Variants in ARSG observed in about 807,000 individuals in gnomAD.
The protein encoded by ARSG is ASG.
In ARSG, 37 loss-of-function variants were observed where a neutral mutation model predicts 50.5. That is an observed-to-expected ratio of 0.73 (90% CI 0.56 to 0.96). ARSG has a LOEUF of 0.96. Among genes scored for constraint, ARSG ranks in the 50% least tolerant of loss-of-function variants. The pLI, the probability that ARSG is intolerant of heterozygous loss-of-function variation, is 0.00. For synonymous variants in ARSG, 225 were observed against 254.6 expected (o/e 0.88, Z 1.11); for missense variants, 629 against 675.3 (o/e 0.93, Z 0.76).
At chr17:68,442,939 T>C in the ARSG span, among the ~76,000 whole-genome samples, 2 of 152,196 alleles carry the variant, frequency 1.3e-5, no homozygotes, top group Admixed American at 6.5e-5. Flanking sequence ...ATGTCTGCAA[T>C]AGATACTTGT....
the ARSG span, among the ~76,000 whole-genome samples, chr17:68,450,382 G>A: frequency 2.0e-5 from 3 of 152,142 alleles, no homozygotes; most frequent in African/African-American, 7.2e-5. Context: ...CAGAAGAGTC[G>A]CTCCTCTGAT....
chr17:68,314,822 C>G (rs953080154), intron 2 of ARSG, among the ~76,000 whole-genome samples: 1 of 152,144 alleles, frequency 6.6e-6, no homozygotes, highest in Non-Finnish European at 1.5e-5. Flanking sequence ...TAGAAATGTC[C>G]AAATGGAATG....
At chr17:68,343,074 T>A (rs1379883938) in intron 2 of ARSG, among the ~76,000 whole-genome samples, 1 of 152,218 alleles carries the variant, frequency 6.6e-6, no homozygotes, top group Non-Finnish European at 1.5e-5. Context: ...TTTGAATGAG[T>A]TGTGGAAACT....
At chr17:68,393,185 C>T (rs2081076527) in intron 9 of ARSG, among the ~76,000 whole-genome samples, 1 of 152,224 alleles carries the variant, frequency 6.6e-6, no homozygotes, top group Admixed American at 6.5e-5. Context: ...CACGGTTTCA[C>T]TTTCTGCAGT....
At chr17:68,269,958 C>T (rs1222267573) in intron 1 of ARSG, among the ~76,000 whole-genome samples, 4 of 152,150 alleles carry the variant, frequency 2.6e-5, no homozygotes, top group African/African-American at 9.7e-5. Context: ...GAGGCATGAG[C>T]CACTGCGCCC....
At chr17:68,346,856 A>G in intron 3 of ARSG, 5 of 1,403,766 alleles carry the variant, frequency 3.6e-6, no homozygotes, top group Non-Finnish European at 4.7e-6. Context: ...GCAGAGGCTC[A>G]GGCTTCTCCG....
At chr17:68,409,550 T>C (rs1454075903) in intron 11 of ARSG, among the ~76,000 whole-genome samples, 1 of 152,010 alleles carries the variant, frequency 6.6e-6, no homozygotes. Context: ...TGAAGTCAGG[T>C]AGTGTGATGC....
At chr17:68,411,230 A>G (rs376822238) in intron 11 of ARSG, among the ~76,000 whole-genome samples, 3 of 152,090 alleles carry the variant, frequency 2.0e-5, no homozygotes, top group Admixed American at 6.6e-5. Flanking sequence ...TGTCAATTTT[A>G]GATCTTTTCT....
intron 2 of ARSG, among the ~76,000 whole-genome samples, chr17:68,342,066 T>C (rs547744182): frequency 6.6e-6 from 1 of 152,176 alleles, no homozygotes; most frequent in South Asian, 2.1e-4. Flanking sequence ...TTGATCCACC[T>C]GCCTCAGCCT....
chr17:68,363,272 G>T (rs1282327273), intron 6 of ARSG, among the ~76,000 whole-genome samples: 1 of 152,086 alleles, frequency 6.6e-6, no homozygotes, highest in African/African-American at 2.4e-5. Flanking sequence ...GGAGAATACT[G>T]CTGAGAGAGG....
intron 2 of ARSG, among the ~76,000 whole-genome samples, chr17:68,312,224 A>G (rs1389582456): frequency 5.3e-5 from 8 of 152,162 alleles, no homozygotes; most frequent in African/African-American, 1.2e-4. Flanking sequence ...TTTCCCGCTT[A>G]TATTCCTAGC....
intron 2 of ARSG, among the ~76,000 whole-genome samples, chr17:68,309,087 G>A (rs550530099): frequency 2.6e-5 from 4 of 152,248 alleles, no homozygotes; most frequent in African/African-American, 4.8e-5. Context: ...GTGAGAAATC[G>A]AGTGCAGTGC....
At chr17:68,394,552 T>C (rs1423781694) in intron 9 of ARSG, among the ~76,000 whole-genome samples, 1 of 152,148 alleles carries the variant, frequency 6.6e-6, no homozygotes, top group Non-Finnish European at 1.5e-5. Context: ...GAGTATTACT[T>C]CAGCCCAGGA....
chr17:68,339,072 C>T (rs2078152466), intron 2 of ARSG, among the ~76,000 whole-genome samples: 1 of 152,182 alleles, frequency 6.6e-6, no homozygotes, highest in Non-Finnish European at 1.5e-5. Flanking sequence ...GAGCATTCTC[C>T]ACTCAGTTTG....
At chr17:68,268,019 C>CA (rs1568400246) in intron 1 of ARSG, 1 of 152,104 alleles carries the variant, frequency 6.6e-6, no homozygotes. Flanking sequence ...AATGATAAAA[C>CA]AAATTAGTTT....
chr17:68,407,209 A>C (rs1468875717), intron 11 of ARSG, among the ~76,000 whole-genome samples: 1 of 152,106 alleles, frequency 6.6e-6, no homozygotes, highest in Non-Finnish European at 1.5e-5. Context: ...TGGGTTCTCT[A>C]TTCTGTTCCA....
At chr17:68,329,728 T>C (rs1304520072) in intron 2 of ARSG, among the ~76,000 whole-genome samples, 5 of 152,194 alleles carry the variant, frequency 3.3e-5, no homozygotes, top group Non-Finnish European at 5.9e-5. Flanking sequence ...GTGTCTAATC[T>C]TTTGGCTTCC....
intron 1 of ARSG, among the ~76,000 whole-genome samples, chr17:68,299,335 C>T (rs1167555439): frequency 3.9e-5 from 6 of 152,056 alleles, no homozygotes; most frequent in Non-Finnish European, 5.9e-5. Flanking sequence ...GAACTCCTGA[C>T]GTCAGGTGAT....
chr17:68,426,242 T>TGGCGG, downstream of ARSG: 2 of 669,002 alleles, frequency 3.0e-6, no homozygotes, highest in Non-Finnish European at 2.2e-6. Flanking sequence ...ACCTGGCGGG[T>TGGCGG]GGGGAGCGGG....
Sources: gnomAD v4.1 joint callset for allele counts (sites outside exome capture counted in the v4.1 genomes callset) on GRCh38, gnomAD v4.1.1 for gene constraint, MANE v1.5 for transcripts, NCBI Gene and HGNC (gene_info 2026-07-23, HGNC 2026-07-21) for gene names.